The following SLC14A2 variants were observed in gnomAD, a reference collection of about 807,000 sequenced individuals.
SLC14A2 encodes the protein urea transporter 2.
Under a neutral mutation model 104.6 loss-of-function variants are expected in SLC14A2, and 91 were observed. That is an observed-to-expected ratio of 0.87 (90% CI 0.73 to 1.04). The LOEUF (loss-of-function observed/expected upper bound fraction) is 1.04, where lower values mean the gene tolerates loss of function less well. SLC14A2 is among the 50% of genes least tolerant of loss of function. The pLI is 0.00. For synonymous variants in SLC14A2, 476 were observed against 466.4 expected, an observed-to-expected ratio of 1.02 and a Z score of -0.27; for missense variants, 1,189 against 1,156.0, an observed-to-expected ratio of 1.03 and a Z score of -0.41.
At chr18:45,244,577 G>A (rs1471284049) in intron 1 of SLC14A2, among the ~76,000 whole-genome samples, 3 of 151,886 alleles carry the variant, frequency 2.0e-5, no homozygotes, top group Admixed American at 1.3e-4. Flanking sequence ...AATGAGCTGA[G>A]ATTGTCCTAC....
At chr18:45,450,438 C>T (rs961661351) in intron 1 of SLC14A2, among the ~76,000 whole-genome samples, 1 of 152,158 alleles carries the variant, frequency 6.6e-6, no homozygotes, top group Non-Finnish European at 1.5e-5. Context: ...GAATTATATA[C>T]AGCTGGTAGC....
chr18:45,654,065 G>A (rs754365128), intron 10 of SLC14A2, among the ~76,000 whole-genome samples: 4 of 152,176 alleles, frequency 2.6e-5, no homozygotes, highest in Admixed American at 1.3e-4. Context: ...ATCCAACCAG[G>A]TCGGGGGAAC....
At chr18:45,414,757 A>AATATATATATATATATATATATAT (rs71177674) in intron 1 of SLC14A2, among the ~76,000 whole-genome samples, 15 of 76,066 alleles carry the variant, frequency 2.0e-4, no homozygotes, top group Non-Finnish European at 2.6e-4. Flanking sequence ...AAAAAAAAAA[A>AATATATATATATATATATATATAT]ATATATATAT....
At chr18:45,584,098 T>G (rs564232238) in intron 2 of SLC14A2, among the ~76,000 whole-genome samples, 1 of 152,246 alleles carries the variant, frequency 6.6e-6, no homozygotes, top group African/African-American at 2.4e-5. Context: ...AACTTGAACT[T>G]GCTGTATTTG....
intron 1 of SLC14A2, among the ~76,000 whole-genome samples, chr18:45,244,285 G>A (rs148724180): frequency 1.8e-3 from 266 of 151,994 alleles, no homozygotes; most frequent in Non-Finnish European, 3.0e-3. Flanking sequence ...TTCAGTTTTA[G>A]ACATGTCTAT....
At chr18:45,495,647 G>T (rs1024556726) in intron 2 of SLC14A2, among the ~76,000 whole-genome samples, 1 of 152,132 alleles carries the variant, frequency 6.6e-6, no homozygotes, top group African/African-American at 2.4e-5. Context: ...GCCTATGTTA[G>T]CCCCCTTCTT....
intron 2 of SLC14A2, among the ~76,000 whole-genome samples, chr18:45,530,959 T>A (rs1345731885): frequency 6.6e-6 from 1 of 152,126 alleles, no homozygotes; most frequent in Non-Finnish European, 1.5e-5. Flanking sequence ...GTTTGGTTTT[T>A]TGTCCTTGCG....
chr18:45,653,126 G>A (rs777865562), intron 10 of SLC14A2, among the ~76,000 whole-genome samples: 8 of 151,966 alleles, frequency 5.3e-5, no homozygotes, highest in Admixed American at 1.3e-4. Context: ...CAAGAAAAAC[G>A]TGAAGGCTCC....
intron 1 of SLC14A2, among the ~76,000 whole-genome samples, chr18:45,308,979 C>T (rs575254853): frequency 6.6e-6 from 1 of 152,062 alleles, no homozygotes; most frequent in South Asian, 2.1e-4. Context: ...TAGGAGGGAC[C>T]CAGGCGTCCG....
chr18:45,265,785 A>T (rs2084586373), intron 1 of SLC14A2, among the ~76,000 whole-genome samples: 1 of 152,196 alleles, frequency 6.6e-6, no homozygotes. Flanking sequence ...ATTTATAAGC[A>T]GAGAGTGAGT....
intron 1 of SLC14A2, among the ~76,000 whole-genome samples, chr18:45,370,190 G>A (rs1238996537): frequency 1.3e-5 from 2 of 152,174 alleles, no homozygotes; most frequent in Non-Finnish European, 2.9e-5. Context: ...TCCTGGAAAA[G>A]GAGTATAAAG....
Position 45,236,455 on chromosome 18 carries a change from A to G in SLC14A2, c.-125+23264A>G, listed in dbSNP as rs191600304. 3.2e-4 allele frequency among the ~76,000 whole-genome samples: 18 copies of G among 57,060 alleles called. No homozygotes were observed. The South Asian group carries it at 3.3e-3, about 11-fold the overall frequency. 37.4% of individuals were successfully genotyped at this position (57,060 alleles called of 152,430 possible). On this transcript the variant is annotated intron_variant, in intron 1 of 20. Transcript: ENST00000586448. ...TGTGTATATATACATGTATGTGTGT[A>G]TATATGTGTATATATACATGTATGT...
intron 1 of SLC14A2, among the ~76,000 whole-genome samples, chr18:45,334,615 T>C (rs1414720618): frequency 6.6e-6 from 1 of 152,226 alleles, no homozygotes; most frequent in African/African-American, 2.4e-5. Flanking sequence ...ATGTACATTC[T>C]AGATGACCCC....
intron 1 of SLC14A2, among the ~76,000 whole-genome samples, chr18:45,357,237 ATT>A (rs56321113): frequency 2.7e-4 from 34 of 126,402 alleles, no homozygotes; most frequent in Non-Finnish European, 2.6e-4. Flanking sequence ...TTGGGACACA[ATT>A]TTTTTTTTTT....
chr18:45,434,100 T>C (rs2086559975), intron 1 of SLC14A2, among the ~76,000 whole-genome samples: 1 of 152,228 alleles, frequency 6.6e-6, no homozygotes, highest in Non-Finnish European at 1.5e-5. Context: ...CTCCCATCTC[T>C]GAATCACAGG....
intron 1 of SLC14A2, among the ~76,000 whole-genome samples, chr18:45,234,996 T>A (rs989073125): frequency 3.3e-5 from 5 of 152,138 alleles, no homozygotes; most frequent in Admixed American, 6.5e-5. Context: ...TTTTCTTTTT[T>A]AAAAAAACAA....
At chr18:45,567,084 G>GTA (rs1555707162) in intron 2 of SLC14A2, among the ~76,000 whole-genome samples, 109 of 150,422 alleles carry the variant, frequency 7.2e-4, no homozygotes, top group Non-Finnish European at 1.3e-3. Flanking sequence ...GTGTGTGTGT[G>GTA]TGTGTGTGTG....
At chr18:45,665,719 T>TTTTC (rs1568000708) in intron 11 of SLC14A2, among the ~76,000 whole-genome samples, 8 of 126,004 alleles carry the variant, frequency 6.3e-5, no homozygotes, top group Admixed American at 8.7e-5. Context: ...TTTTTTTTGT[T>TTTTC]CACCTTCAAG....
At chr18:45,430,622 C>T (rs1007869857) in intron 1 of SLC14A2, among the ~76,000 whole-genome samples, 2 of 151,970 alleles carry the variant, frequency 1.3e-5, no homozygotes, top group African/African-American at 2.4e-5. Flanking sequence ...ATTTCCCAGG[C>T]TGGAGTGCAG....
Sources: gnomAD v4.1 joint callset for allele counts (sites outside exome capture counted in the v4.1 genomes callset) on GRCh38, gnomAD v4.1.1 for gene constraint, MANE v1.5 for transcripts, NCBI Gene and HGNC (gene_info 2026-07-23, HGNC 2026-07-21) for gene names.